FGF14: variants seen among roughly 807,000 people sequenced by gnomAD.
FGF14 encodes the protein fibroblast growth factor homologous factor 4.
Under a neutral mutation model 25.5 loss-of-function variants are expected in FGF14, and 5 were observed. The observed-to-expected ratio is 0.20, with a 90% CI of 0.10 to 0.41. The LOEUF (loss-of-function observed/expected upper bound fraction) is 0.41, where lower values mean the gene tolerates loss of function less well. FGF14 is among the 10% of genes least tolerant of loss of function. FGF14 has a pLI of 1.00. For missense variants in FGF14, 222 were observed against 320.1 expected, an observed-to-expected ratio of 0.69 and a Z score of 2.34; for synonymous variants, 138 against 118.3, an observed-to-expected ratio of 1.17 and a Z score of -1.08.
chr13:102,131,756 T>G (rs2046206994), intron 1 of FGF14, among the ~76,000 whole-genome samples: 1 of 152,218 alleles, frequency 6.6e-6, no homozygotes, highest in African/African-American at 2.4e-5. Context: ...TTTATTTGAC[T>G]GCATCCCACA....
At chr13:101,725,957 T>C (rs1312692186) in intron 4 of FGF14, among the ~76,000 whole-genome samples, 1 of 152,032 alleles carries the variant, frequency 6.6e-6, no homozygotes, top group East Asian at 1.9e-4. Context: ...ATGTGAAATT[T>C]CCATTCATCC....
chr13:102,187,339 C>T (rs2048917922), intron 1 of FGF14, among the ~76,000 whole-genome samples: 1 of 152,160 alleles, frequency 6.6e-6, no homozygotes, highest in Admixed American at 6.5e-5. Flanking sequence ...TGTTCATATA[C>T]TCTTGTTTGA....
At chr13:102,361,881 A>G (rs1392792988) in intron 1 of FGF14, among the ~76,000 whole-genome samples, 2 of 152,040 alleles carry the variant, frequency 1.3e-5, no homozygotes, top group Middle Eastern at 3.2e-3. Flanking sequence ...AATCTCTCAA[A>G]TAACAGTGTG....
intron 1 of FGF14, among the ~76,000 whole-genome samples, chr13:102,130,416 T>C (rs605491): frequency 0.19 from 28,610 of 152,126 alleles, 4,701 homozygotes; most frequent in African/African-American, 0.44. Context: ...ACCTTTCACG[T>C]ATCACATCCC....
chr13:101,902,170 G>C (rs1240246553), intron 1 of FGF14, among the ~76,000 whole-genome samples: 2 of 152,176 alleles, frequency 1.3e-5, no homozygotes, highest in Admixed American at 1.3e-4. Flanking sequence ...GCCACTCTGA[G>C]ATGAGAATAT....
chr13:101,957,021 G>T (rs977077515), intron 1 of FGF14, among the ~76,000 whole-genome samples: 1 of 151,988 alleles, frequency 6.6e-6, no homozygotes, highest in Non-Finnish European at 1.5e-5. Flanking sequence ...ATATATTCAA[G>T]ATAATGTATA....
At chr13:101,760,298 C>T (rs1265742653) in intron 3 of FGF14, among the ~76,000 whole-genome samples, 1 of 152,282 alleles carries the variant, frequency 6.6e-6, no homozygotes, top group East Asian at 1.9e-4. Flanking sequence ...ACGTTCACTG[C>T]TTCCTGTCTA....
chr13:102,135,219 C>G (rs1032771335), intron 1 of FGF14, among the ~76,000 whole-genome samples: 8 of 152,004 alleles, frequency 5.3e-5, no homozygotes, highest in Admixed American at 3.9e-4. Context: ...AACAAACAAA[C>G]AAAGAAAAAG....
intron 1 of FGF14, among the ~76,000 whole-genome samples, chr13:102,180,698 T>A (rs2048638188): frequency 6.6e-6 from 1 of 152,190 alleles, no homozygotes; most frequent in Admixed American, 6.6e-5. Context: ...TATTATTCTG[T>A]TATTAGTAAT....
intron 1 of FGF14, among the ~76,000 whole-genome samples, chr13:102,025,814 A>C (rs1168965200): frequency 6.6e-6 from 1 of 152,098 alleles, no homozygotes; most frequent in East Asian, 1.9e-4. Flanking sequence ...TTGTTAGTAT[A>C]TAGAAATACA....
At chr13:102,057,343 G>T (rs534589791) in intron 1 of FGF14, among the ~76,000 whole-genome samples, 2 of 152,234 alleles carry the variant, frequency 1.3e-5, no homozygotes, top group Non-Finnish European at 2.9e-5. Context: ...TGTCAGCATA[G>T]GAAAGAATAC....
intron 3 of FGF14, among the ~76,000 whole-genome samples, chr13:101,785,873 C>A (rs576786913): frequency 3.9e-5 from 6 of 152,158 alleles, no homozygotes; most frequent in Admixed American, 6.5e-5. Context: ...AATGCATGGA[C>A]CCCACTCCCT....
intron 1 of FGF14, among the ~76,000 whole-genome samples, chr13:102,228,277 A>T (rs1255367727): frequency 6.6e-6 from 1 of 152,184 alleles, no homozygotes; most frequent in Non-Finnish European, 1.5e-5. Flanking sequence ...CGGTAGCTTT[A>T]AAAAATTAAG....
intron 1 of FGF14, among the ~76,000 whole-genome samples, chr13:101,894,174 A>G (rs938739868): frequency 2.0e-5 from 3 of 152,052 alleles, no homozygotes; most frequent in African/African-American, 7.2e-5. Flanking sequence ...AGATTTAACA[A>G]CTCCTGCTAA....
At chr13:101,816,105 C>T (rs1047646855) in intron 3 of FGF14, among the ~76,000 whole-genome samples, 2 of 151,090 alleles carry the variant, frequency 1.3e-5, no homozygotes, top group Non-Finnish European at 2.9e-5. Context: ...CCCGTTTCTA[C>T]TAAAAATACA....
At chr13:102,294,416 A>G (rs1481477392) in intron 1 of FGF14, among the ~76,000 whole-genome samples, 5 of 149,374 alleles carry the variant, frequency 3.3e-5, no homozygotes, top group African/African-American at 1.2e-4. Flanking sequence ...GTTTGGTCCA[A>G]AAAAAAAAAA....
intron 3 of FGF14, among the ~76,000 whole-genome samples, chr13:101,817,962 T>C (rs2041924684): frequency 6.6e-6 from 1 of 152,206 alleles, no homozygotes; most frequent in Non-Finnish European, 1.5e-5. Context: ...TCTAAACAAA[T>C]TGTATGCCAT....
intron 1 of FGF14, among the ~76,000 whole-genome samples, chr13:102,021,611 A>G (rs2040655968): frequency 6.6e-6 from 1 of 152,090 alleles, no homozygotes; most frequent in Non-Finnish European, 1.5e-5. Flanking sequence ...AATCAGCAAA[A>G]GATATGGAAA....
chr13:101,796,878 A>T (rs117743174), intron 3 of FGF14, among the ~76,000 whole-genome samples: 4,321 of 152,198 alleles, frequency 0.028, 105 homozygotes, highest in Non-Finnish European at 0.038. Flanking sequence ...CCCCTCCTGC[A>T]AGGTCATTCA....
Sources: gnomAD v4.1 joint callset for allele counts (sites outside exome capture counted in the v4.1 genomes callset) on GRCh38, gnomAD v4.1.1 for gene constraint, MANE v1.5 for transcripts, NCBI Gene and HGNC (gene_info 2026-07-23, HGNC 2026-07-21) for gene names.